PCDH15: variants seen among roughly 807,000 people sequenced by gnomAD.
The protein encoded by PCDH15 is protocadherin related 15.
PCDH15 carries 129 observed loss-of-function variants against 178.5 expected under a neutral mutation model. The ratio of observed to expected loss-of-function variants is 0.72; its 90% CI spans 0.63 to 0.84. PCDH15 has a LOEUF of 0.84. Ranked by LOEUF, PCDH15 falls within the 40% of genes least tolerant of loss-of-function variation. The pLI, the probability that PCDH15 is intolerant of heterozygous loss-of-function variation, is 0.00. For synonymous variants in PCDH15, 800 were observed against 732.0 expected (o/e 1.09, Z -1.50); for missense variants, 2,230 against 2,099.9 (o/e 1.06, Z -1.21).
At chr10:55,261,320 C>A (rs749979496) in intron 1 of PCDH15, among the ~76,000 whole-genome samples, 1 of 152,022 alleles carries the variant, frequency 6.6e-6, no homozygotes, top group Non-Finnish European at 1.5e-5. Context: ...ATAATAATAT[C>A]CCATTGATTG....
intron 8 of PCDH15, among the ~76,000 whole-genome samples, chr10:54,281,607 G>T (rs750247474): frequency 3.3e-5 from 5 of 151,970 alleles, no homozygotes; most frequent in South Asian, 4.1e-4. Flanking sequence ...GTATACAATG[G>T]AAGCAGAGTC....
chr10:54,347,651 G>A (rs1943519460), intron 5 of PCDH15, among the ~76,000 whole-genome samples: 1 of 152,000 alleles, frequency 6.6e-6, no homozygotes, highest in African/African-American at 2.4e-5. Context: ...AGTGAAGCAA[G>A]CATGATGAGA....
chr10:54,927,091 C>T (rs1837649545), intron 2 of PCDH15, among the ~76,000 whole-genome samples: 1 of 151,898 alleles, frequency 6.6e-6, no homozygotes, highest in Non-Finnish European at 1.5e-5. Context: ...TATAAATTTC[C>T]CTCTTAACAC....
chr10:54,756,497 C>A (rs2133075905), intron 1 of PCDH15, among the ~76,000 whole-genome samples: 1 of 152,224 alleles, frequency 6.6e-6, no homozygotes, highest in South Asian at 2.1e-4. Context: ...ATAAGCCATG[C>A]ATAGACATAG....
At chr10:55,320,189 C>G (rs1009371224), upstream of PCDH15, among the ~76,000 whole-genome samples, 3 of 152,162 alleles carry the variant, frequency 2.0e-5, no homozygotes, top group Non-Finnish European at 4.4e-5. Context: ...TTGTTCTCTA[C>G]AGGTGCTGTG....
chr10:54,015,981 C>T (rs2092728245), intron 20 of PCDH15, among the ~76,000 whole-genome samples: 3 of 152,024 alleles, frequency 2.0e-5, no homozygotes, highest in Admixed American at 2.0e-4. Flanking sequence ...AGTAAACAGG[C>T]CACCTACAGA....
intron 10 of PCDH15, among the ~76,000 whole-genome samples, chr10:54,204,042 C>T (rs536239664): frequency 6.6e-6 from 1 of 152,166 alleles, no homozygotes; most frequent in Admixed American, 6.5e-5. Flanking sequence ...AGCTTTCAAC[C>T]AATTTATTTT....
chr10:55,412,301 T>C (rs909941064), intron 2 of PCDH15, among the ~76,000 whole-genome samples: 1 of 152,052 alleles, frequency 6.6e-6, no homozygotes, highest in Non-Finnish European at 1.5e-5. Flanking sequence ...ATGTTGACTT[T>C]GATTTTTCCT....
At chr10:54,085,349 T>C (rs981616330) in intron 16 of PCDH15, among the ~76,000 whole-genome samples, 3 of 152,166 alleles carry the variant, frequency 2.0e-5, no homozygotes, top group Non-Finnish European at 4.4e-5. Flanking sequence ...TATTTAGCAC[T>C]GATTTTAAGT....
intron 2 of PCDH15, among the ~76,000 whole-genome samples, chr10:54,656,646 C>T (rs992875688): frequency 6.6e-6 from 1 of 152,124 alleles, no homozygotes; most frequent in Admixed American, 6.5e-5. Flanking sequence ...CCATAACCTG[C>T]TCTGACATCC....
At chr10:55,558,091 G>T (rs1842126040) in intron 2 of PCDH15, among the ~76,000 whole-genome samples, 1 of 151,974 alleles carries the variant, frequency 6.6e-6, no homozygotes, top group Non-Finnish European at 1.5e-5. Context: ...GCCTAGTGCT[G>T]GCATAATAGA....
intron 10 of PCDH15, among the ~76,000 whole-genome samples, chr10:54,206,470 A>AT (rs2050807900): frequency 6.6e-6 from 1 of 151,946 alleles, no homozygotes; most frequent in Admixed American, 6.6e-5. Flanking sequence ...TATTTTTATT[A>AT]TTTTATCCTG....
intron 3 of PCDH15, among the ~76,000 whole-genome samples, chr10:54,388,933 G>A (rs1253699806): frequency 6.6e-6 from 1 of 152,132 alleles, no homozygotes; most frequent in Non-Finnish European, 1.5e-5. Context: ...CCATAATAGG[G>A]ATTCAGATTT....
At chr10:54,309,322 C>CAT (rs2060753226) in intron 8 of PCDH15, among the ~76,000 whole-genome samples, 4 of 18,830 alleles carry the variant, frequency 2.1e-4, no homozygotes, top group African/African-American at 1.8e-3. Context: ...TACGTACATA[C>CAT]ACACACACAC....
At chr10:55,458,122 C>T (rs1218538311) in intron 2 of PCDH15, among the ~76,000 whole-genome samples, 1 of 151,906 alleles carries the variant, frequency 6.6e-6, no homozygotes, top group African/African-American at 2.4e-5. Context: ...TGGAATCTTC[C>T]ACATGTGTTT....
chr10:55,371,116 A>G (rs1845497632), intron 2 of PCDH15, among the ~76,000 whole-genome samples: 1 of 152,128 alleles, frequency 6.6e-6, no homozygotes, highest in East Asian at 1.9e-4. Flanking sequence ...AGCCATGTAA[A>G]ACAATTTAAG....
chr10:54,864,969 G>T (rs911607808), intron 3 of PCDH15, among the ~76,000 whole-genome samples: 2 of 152,122 alleles, frequency 1.3e-5, no homozygotes, highest in Non-Finnish European at 2.9e-5. Context: ...CCAGAACATA[G>T]AGATCATAGG....
In PCDH15 at chr10:54,195,756, C is replaced by T; in HGVS notation, c.1232G>A (p.Gly411Glu). The change falls in exon 11 of 38, where the codon GGA (glycine) becomes GAA (glutamate). Residue 411 changes from glycine (G) to glutamate (E), a missense_variant. Physicochemically the swap from Gly to Glu is moderately conservative, Grantham distance 98 (BLOSUM62 -2). Coordinates refer to ENST00000644397, the MANE Select transcript of PCDH15 (RefSeq NM_001384140.1). ...QGYILESAPVGATISDSLNLT... is the reference protein window; with the variant it reads ...QGYILESAPVEATISDSLNLT... ...ATTGAGACTGTCCGAAATGGTTGCT[C>T]CCACTGGGGCAGATTCCAGGATATA... The T allele has an allele frequency of 6.2e-7, 1 of 1,614,044 alleles. No homozygotes were observed.
intron 1 of PCDH15, among the ~76,000 whole-genome samples, chr10:55,284,430 T>C (rs1842813706): frequency 6.6e-6 from 1 of 151,906 alleles, no homozygotes; most frequent in African/African-American, 2.4e-5. Context: ...AAAAAATAAG[T>C]GAGGGTATGT....
Sources: gnomAD v4.1 joint callset for allele counts (sites outside exome capture counted in the v4.1 genomes callset) on GRCh38, gnomAD v4.1.1 for gene constraint, MANE v1.5 for transcripts, NCBI Gene and HGNC (gene_info 2026-07-23, HGNC 2026-07-21) for gene names.